The following NRXN3 variants were observed in gnomAD, a reference collection of about 807,000 sequenced individuals.
NRXN3 encodes the protein neurexin III.
Under a neutral mutation model 137.6 loss-of-function variants are expected in NRXN3, and 32 were observed. That is an observed-to-expected ratio of 0.23 (90% confidence interval 0.18 to 0.31). The LOEUF (loss-of-function observed/expected upper bound fraction) is 0.31. Among genes scored for constraint, NRXN3 ranks in the 10% least tolerant of loss-of-function variants. The pLI, the probability that NRXN3 is intolerant of heterozygous loss-of-function variation, is 1.00. For synonymous variants in NRXN3, 798 were observed against 784.5 expected, an observed-to-expected ratio of 1.02 and a Z score of -0.29; for missense variants, 1,574 against 2,062.5, an observed-to-expected ratio of 0.76 and a Z score of 4.59.
chr14:78,749,248 A>G (rs1009745086), intron 8 of NRXN3, among the ~76,000 whole-genome samples: 2 of 152,170 alleles, frequency 1.3e-5, no homozygotes, highest in African/African-American at 4.8e-5. Context: ...ATGCACAGAA[A>G]CTATCGATTC....
intron 15 of NRXN3, among the ~76,000 whole-genome samples, chr14:79,302,482 G>C (rs755051129): frequency 6.6e-6 from 1 of 151,900 alleles, no homozygotes; most frequent in East Asian, 1.9e-4. Flanking sequence ...GAGTTGTCAG[G>C]CTCTTTTTAA....
chr14:79,653,643 T>C (rs572300202), intron 16 of NRXN3, among the ~76,000 whole-genome samples: 73 of 152,320 alleles, frequency 4.8e-4, no homozygotes, highest in African/African-American at 1.5e-3. Flanking sequence ...GGATCTAAGA[T>C]AGATTAGTTT....
chr14:78,718,697 A>G (rs1351689976), intron 8 of NRXN3, among the ~76,000 whole-genome samples: 1 of 152,166 alleles, frequency 6.6e-6, no homozygotes, highest in Non-Finnish European at 1.5e-5. Context: ...GGCTTGATTG[A>G]TATTGTATTT....
chr14:78,962,781 T>G (rs2099410580), intron 11 of NRXN3, among the ~76,000 whole-genome samples: 1 of 152,052 alleles, frequency 6.6e-6, no homozygotes, highest in African/African-American at 2.4e-5. Context: ...TGGCATGATG[T>G]CGACTCACTG....
At chr14:79,634,196 A>T (rs1191802723) in intron 16 of NRXN3, among the ~76,000 whole-genome samples, 2 of 152,192 alleles carry the variant, frequency 1.3e-5, no homozygotes, top group South Asian at 4.1e-4. Context: ...TAGCCCTAGC[A>T]ATCCTACTGG....
At chr14:78,991,178 G>T (rs1017904638) in intron 15 of NRXN3, among the ~76,000 whole-genome samples, 3 of 152,140 alleles carry the variant, frequency 2.0e-5, no homozygotes, top group Non-Finnish European at 4.4e-5. Flanking sequence ...TGATGAAAAG[G>T]AATATAGAGA....
At chr14:79,531,702 A>G (rs866961728) in intron 16 of NRXN3, among the ~76,000 whole-genome samples, 1 of 152,184 alleles carries the variant, frequency 6.6e-6, no homozygotes, top group Admixed American at 6.5e-5. Context: ...ATGCCTCACT[A>G]TAGCTGTGAG....
rs1361131500 is a variant in NRXN3, at chr14:79,647,617, C to G, written c.3445-16161C>G. On this transcript the variant is annotated intron_variant, in intron 16 of 20. Transcript: ENST00000335750. ...AACAGTGATAGATTTTGTTGTTGAG[C>G]CACAGTTTATGAAAAGTGCATTAAA... is the stretch of plus-strand genomic sequence containing the variant. 1.5e-5 allele frequency among the ~76,000 whole-genome samples: 2 copies of G among 135,240 alleles called. 1 individual carries two copies. The highest frequency in any genetic ancestry group is 3.4e-5 in the Non-Finnish European group (2 of 58,214). 88.7% of individuals were successfully genotyped at this position (135,240 alleles called of 152,430 possible).
chr14:78,485,371 C>T (rs1189985186), intron 4 of NRXN3, among the ~76,000 whole-genome samples: 1 of 152,152 alleles, frequency 6.6e-6, no homozygotes, highest in African/African-American at 2.4e-5. Context: ...TTATCTACCT[C>T]CCCTCTCTAC....
intron 15 of NRXN3, among the ~76,000 whole-genome samples, chr14:79,258,611 G>T (rs1490287247): frequency 1.3e-5 from 2 of 152,118 alleles, no homozygotes; most frequent in Non-Finnish European, 2.9e-5. Context: ...TAACCAGAGG[G>T]ACTCCAAAGG....
At position 79,861,453 on chromosome 14, in the gene NRXN3, C is replaced by T; in HGVS notation, c.4205C>T (p.Thr1402Ile). The change falls in exon 21 of 21, where the codon ACC becomes ATC. Residue 1402 changes from threonine to isoleucine, a missense_variant. Physicochemically the swap from Thr to Ile is moderately conservative, Grantham distance 89. Transcript: ENST00000335750. The surrounding 1 kb of genome is among the most constrained non-coding windows in gnomAD (Gnocchi z 5.4). ...NKVSETSRTT[T>I]TSLSPELIRF... is the part of the protein sequence containing the mutation. ...GTCTCCGAAACTAGTAGGACTACTA[C>T]CACATCTTTATCCCCTGAGCTGATC... 6 of 1,536,822 alleles carry T rather than the reference C, an allele frequency of 3.9e-6. No homozygotes were observed. The highest frequency in any genetic ancestry group is 4.4e-6 in the Non-Finnish European group (5 of 1,147,044).
intron 4 of NRXN3, among the ~76,000 whole-genome samples, chr14:78,606,487 G>A (rs1388146569): frequency 6.6e-6 from 1 of 152,064 alleles, no homozygotes; most frequent in Non-Finnish European, 1.5e-5. Flanking sequence ...CCCTTCCTTA[G>A]TTTTACTGAA....
chr14:78,934,136 C>A (rs2099329119), intron 10 of NRXN3, among the ~76,000 whole-genome samples: 1 of 144,374 alleles, frequency 6.9e-6, no homozygotes, highest in Non-Finnish European at 1.5e-5. Flanking sequence ...CACAGGAGGG[C>A]ACCAGAGGAC....
intron 4 of NRXN3, among the ~76,000 whole-genome samples, chr14:78,315,845 G>A (rs2078651891): frequency 6.6e-6 from 1 of 152,156 alleles, no homozygotes; most frequent in Admixed American, 6.5e-5. Context: ...AGGAGTACAT[G>A]TTTGATAGGC....
chr14:79,332,008 T>C (rs1428475056), intron 15 of NRXN3, among the ~76,000 whole-genome samples: 1 of 152,164 alleles, frequency 6.6e-6, no homozygotes. Context: ...CATGTGTGTA[T>C]CTTATAGTGT....
intron 8 of NRXN3, among the ~76,000 whole-genome samples, chr14:78,736,493 G>A (rs2098541877): frequency 6.6e-6 from 1 of 152,150 alleles, no homozygotes; most frequent in African/African-American, 2.4e-5. Context: ...CATGTACTAT[G>A]TGCCAGACAT....
At chr14:79,071,076 G>A (rs1428344431) in intron 15 of NRXN3, among the ~76,000 whole-genome samples, 2 of 151,996 alleles carry the variant, frequency 1.3e-5, no homozygotes, top group African/African-American at 4.8e-5. Flanking sequence ...TTCCTGAAAA[G>A]GAATTAAGAA....
chr14:79,364,562 A>G (rs1396256004), intron 15 of NRXN3, among the ~76,000 whole-genome samples: 1 of 152,200 alleles, frequency 6.6e-6, no homozygotes, highest in East Asian at 1.9e-4. Context: ...ATAAAAGGCA[A>G]TAAGCTTCCA....
chr14:79,539,201 T>G (rs1204584577), intron 16 of NRXN3, among the ~76,000 whole-genome samples: 1 of 151,922 alleles, frequency 6.6e-6, no homozygotes, highest in Non-Finnish European at 1.5e-5. Flanking sequence ...GCTAATTTTT[T>G]TTTTGTATTT....
Sources: gnomAD v4.1 joint callset for allele counts (sites outside exome capture counted in the v4.1 genomes callset) on GRCh38, gnomAD v4.1.1 for gene constraint, Gnocchi (gnomAD v3.1) non-coding constraint, MANE v1.5 for transcripts, NCBI Gene and HGNC (gene_info 2026-07-23, HGNC 2026-07-21) for gene names.